FBXO8: variants seen among roughly 807,000 people sequenced by gnomAD.
FBXO8 encodes F-box only protein 8.
In FBXO8, 15 loss-of-function variants were observed where a neutral mutation model predicts 33.4. That is an observed-to-expected ratio of 0.45 (90% CI 0.30 to 0.69). The LOEUF (loss-of-function observed/expected upper bound fraction) is 0.69, where lower values mean the gene tolerates loss of function less well. Among genes scored for constraint, FBXO8 ranks in the 30% least tolerant of loss-of-function variants. The pLI is 0.08. For missense variants in FBXO8, 274 were observed against 380.3 expected, an observed-to-expected ratio of 0.72 and a Z score of 2.32; for synonymous variants, 132 against 131.5, an observed-to-expected ratio of 1.00 and a Z score of -0.02.
At chr4:174,268,584 T>G (rs551279124) in intron 1 of FBXO8, among the ~76,000 whole-genome samples, 1 of 144,492 alleles carries the variant, frequency 6.9e-6, no homozygotes, top group East Asian at 2.1e-4. Flanking sequence ...TACAGGCGCC[T>G]GCTACCACGC....
chr4:174,244,998 T>C (rs1279239847), intron 3 of FBXO8, among the ~76,000 whole-genome samples: 1 of 151,840 alleles, frequency 6.6e-6, no homozygotes, highest in East Asian at 1.9e-4. Flanking sequence ...TTTACATATA[T>C]GCATCTGCTT....
At position 174,275,931 on chromosome 4, in the gene FBXO8, C is replaced by T. The variant is rs1389092042; in HGVS notation, c.-9+7479G>A. On this transcript the variant is annotated intron_variant, in intron 1 of 5. Coordinates refer to ENST00000393674, the MANE Select transcript of FBXO8 (RefSeq NM_012180.3). The surrounding 1 kb of genome is among the most constrained non-coding windows in gnomAD (Gnocchi z 4.4). ...AGTAAGGTACAAATGCAAAAAGGAT[C>T]GATATTTGTGTAACTCTTAGTCTAA... Among the ~76,000 whole-genome samples, 1 of 151,820 alleles carries T rather than the reference C, an allele frequency of 6.6e-6. No individual in the cohort carries two copies. The highest frequency in any genetic ancestry group is 6.6e-5 in the Admixed American group (1 of 15,230).
chr4:174,260,518 T>C (rs1416165798), intron 2 of FBXO8, among the ~76,000 whole-genome samples: 2 of 152,026 alleles, frequency 1.3e-5, no homozygotes, highest in Admixed American at 6.6e-5. Flanking sequence ...ATGTTCAACA[T>C]AGCTGTTTTT....
rs1292204369 is a variant in FBXO8 at position 174,277,018 on chromosome 4, A to G, written c.-9+6392T>C. 6.6e-6 allele frequency among the ~76,000 whole-genome samples: 1 copy of G among 152,156 alleles called. No individual in the cohort carries two copies. The highest frequency in any genetic ancestry group is 1.5e-5 in the Non-Finnish European group (1 of 68,028). On this transcript the variant is annotated intron_variant, in intron 1 of 5. Coordinates refer to ENST00000393674, the MANE Select transcript of FBXO8 (RefSeq NM_012180.3). This position sits in a 1 kb window ranked among gnomAD's most constrained non-coding sequence, Gnocchi z 4.9. ...TCTGAAACAGCTATATTGTTCTGACATAATTTTGGATGTATTTTTTTTAAA... is the reference window on the plus strand; with the variant it reads ...TCTGAAACAGCTATATTGTTCTGACGTAATTTTGGATGTATTTTTTTTAAA...
In FBXO8 at chr4:174,268,637, C is replaced by T. The variant is rs567171971; in HGVS notation, c.-8-5537G>A. On this transcript the variant is annotated intron_variant, in intron 1 of 5. Coordinates refer to ENST00000393674, the MANE Select transcript of FBXO8 (RefSeq NM_012180.3). ...TTTTTTAGTAGAGACGGGGTTTCACCGTGTTAGCCAGGATGGTCTCCATCT... is the reference window on the plus strand; with the variant it reads ...TTTTTTAGTAGAGACGGGGTTTCACTGTGTTAGCCAGGATGGTCTCCATCT... 8.5e-3 allele frequency among the ~76,000 whole-genome samples: 1,295 copies of T among 152,138 alleles called. 7 individuals carry two copies. Among genetic ancestry groups the T allele is most frequent in the South Asian group, 0.016 (75 of 4,812 alleles).
intron 3 of FBXO8, among the ~76,000 whole-genome samples, chr4:174,258,877 T>C (rs1442297730): frequency 6.6e-6 from 1 of 152,044 alleles, no homozygotes; most frequent in African/African-American, 2.4e-5. Flanking sequence ...CTGTCATTAA[T>C]ACCTCGACAA....
intron 1 of FBXO8, among the ~76,000 whole-genome samples, chr4:174,266,063 C>A (rs1736688031): frequency 1.3e-5 from 2 of 152,114 alleles, no homozygotes; most frequent in Admixed American, 1.3e-4. Flanking sequence ...CAGAATCTTT[C>A]TAGTGGCATA....
intron 1 of FBXO8, among the ~76,000 whole-genome samples, chr4:174,280,312 G>A (rs1345400077): frequency 6.6e-6 from 1 of 151,690 alleles, no homozygotes; most frequent in Non-Finnish European, 1.5e-5. Flanking sequence ...CATTAAGATA[G>A]TTACTATCGA....
chr4:174,256,850 C>T lies in FBXO8; in HGVS notation c.456+2849G>A, dbSNP rs138116709. 6.6e-6 allele frequency among the ~76,000 whole-genome samples: 1 copy of T among 151,838 alleles called. No homozygotes were observed. Among genetic ancestry groups the T allele is most frequent in the African/African-American group, 2.4e-5 (1 of 41,420 alleles). On this transcript the variant is annotated intron_variant, in intron 3 of 5. Coordinates refer to ENST00000393674, the MANE Select transcript of FBXO8 (RefSeq NM_012180.3). The surrounding 1 kb of genome is among the most constrained non-coding windows in gnomAD (Gnocchi z 4.6). ...TGCCTCCTGGGAGTACTACATGGCC[C>T]TTTTAGAATGATAAATTCAGTGCCT...
chr4:174,259,088 A>G lies in FBXO8; in HGVS notation c.456+611T>C, dbSNP rs2126433059. On this transcript the variant is annotated intron_variant, in intron 3 of 5. Transcript: ENST00000393674. This position sits in a 1 kb window ranked among gnomAD's most constrained non-coding sequence, Gnocchi z 4.3. ...TTCCATGACATAGTAAAATAAGAAT[A>G]GAGAAAAAAAAAATCAGTGAAAAAG... Among the ~76,000 whole-genome samples, 1 of 152,098 alleles carries G rather than the reference A, an allele frequency of 6.6e-6. No individual in the cohort carries two copies. Among genetic ancestry groups the G allele is most frequent in the African/African-American group, 2.4e-5 (1 of 41,558 alleles).
rs1435652994 is a variant in FBXO8 at position 174,274,489 on chromosome 4, G to T, written c.-9+8921C>A. On this transcript the variant is annotated intron_variant, in intron 1 of 5. Coordinates refer to ENST00000393674, the MANE Select transcript of FBXO8 (RefSeq NM_012180.3). The surrounding 1 kb of genome is among the most constrained non-coding windows in gnomAD (Gnocchi z 4.0). ...TAATTACCTGAGTAGTCATAATCCT[G>T]GTCCTGAATTTCATTAATTTGGGAT... Among the ~76,000 whole-genome samples, 1 of 152,162 alleles carries T rather than the reference G, an allele frequency of 6.6e-6. No homozygotes were observed. The highest frequency in any genetic ancestry group is 2.4e-5 in the African/African-American group (1 of 41,436).
rs1736977134 is a variant in FBXO8 at position 174,277,062 on chromosome 4, C to A, written c.-9+6348G>T. Among the ~76,000 whole-genome samples, 1 of 152,158 alleles carries A rather than the reference C, an allele frequency of 6.6e-6. No homozygotes were observed. ...TTTTAAAGTAGCAGTTTTAGTCTAA[C>A]CAAGTCTGTTACAACAGCATAAAAG... On this transcript the variant is annotated intron_variant, in intron 1 of 5. Coordinates refer to ENST00000393674, the MANE Select transcript of FBXO8 (RefSeq NM_012180.3). This position sits in a 1 kb window ranked among gnomAD's most constrained non-coding sequence, Gnocchi z 4.9.
Position 174,270,507 on chromosome 4 carries a change from A to G in FBXO8, c.-8-7407T>C, listed in dbSNP as rs1736813644. 1.3e-5 allele frequency among the ~76,000 whole-genome samples: 2 copies of G among 152,210 alleles called. No homozygotes were observed. The highest frequency in any genetic ancestry group is 2.1e-4 in the South Asian group (1 of 4,830). On this transcript the variant is annotated intron_variant, in intron 1 of 5. Coordinates refer to ENST00000393674, the MANE Select transcript of FBXO8 (RefSeq NM_012180.3). The surrounding 1 kb of genome is among the most constrained non-coding windows in gnomAD (Gnocchi z 4.6). ...CAGTAAAGTTATATCTAGGATTACT[A>G]AACATATATGGTGTTTTTCTTTCTA...
chr4:174,238,935 C>T, intron 5 of FBXO8, 59 bp downstream of exon 5: 3 of 1,059,754 alleles, frequency 2.8e-6, no homozygotes, highest in Non-Finnish European at 3.9e-6. Context: ...TCTCATATAT[C>T]TCTGTTTTTA....
In FBXO8 at chr4:174,254,394, C is replaced by T. The variant is rs151065082; in HGVS notation, c.456+5305G>A. Among the ~76,000 whole-genome samples, 110 of 152,134 alleles carry T rather than the reference C, an allele frequency of 7.2e-4. No individual in the cohort carries two copies. Among genetic ancestry groups the T allele is most frequent in the African/African-American group, 2.4e-3 (101 of 41,512 alleles). ...AGATGTATAGAACTAAGGATAAAAC[C>T]TCAAAAGGTAGTATATTTTCTAAAG... is the stretch of plus-strand genomic sequence containing the variant. On this transcript the variant is annotated intron_variant, in intron 3 of 5. Transcript: ENST00000393674. The surrounding 1 kb of genome is among the most constrained non-coding windows in gnomAD (Gnocchi z 4.2).
chr4:174,282,681 T>TA lies in FBXO8; in HGVS notation c.-9+728dup, dbSNP rs1212649881. Among the ~76,000 whole-genome samples, 6 of 152,246 alleles carry TA rather than the reference T, an allele frequency of 3.9e-5. No individual in the cohort carries two copies. The East Asian group carries it at 1.2e-3, about 29-fold the overall frequency. On this transcript the variant is annotated intron_variant, in intron 1 of 5. Transcript: ENST00000393674. ...ATAAATTGTCTTCACTTTACCGTAATAAAAATCATGATATATTCATTTGTG... is the reference window on the plus strand; with the variant it reads ...ATAAATTGTCTTCACTTTACCGTAATAAAAAATCATGATATATTCATTTGTG...
intron 3 of FBXO8, among the ~76,000 whole-genome samples, chr4:174,246,688 T>C (rs1414657928): frequency 6.6e-6 from 1 of 151,828 alleles, no homozygotes; most frequent in Non-Finnish European, 1.5e-5. Context: ...GAGATTTTGC[T>C]GCAGGGGCAG....
rs1456955142 is a variant in FBXO8, at chr4:174,275,065, T to C, written c.-9+8345A>G. Among the ~76,000 whole-genome samples the C allele has an allele frequency of 6.6e-6, 1 of 152,156 alleles. No homozygotes were observed. Among genetic ancestry groups the C allele is most frequent in the African/African-American group, 2.4e-5 (1 of 41,438 alleles). On this transcript the variant is annotated intron_variant, in intron 1 of 5. Coordinates refer to ENST00000393674, the MANE Select transcript of FBXO8 (RefSeq NM_012180.3). This position sits in a 1 kb window ranked among gnomAD's most constrained non-coding sequence, Gnocchi z 4.4. ...ACCACATATCTGACGGACGAGTATC[T>C]AGAATATATAAACAACTCTCAAAAC...
rs1002814710 is a variant in FBXO8, at chr4:174,278,100, A to G, written c.-9+5310T>C. 3.9e-5 allele frequency among the ~76,000 whole-genome samples: 6 copies of G among 152,204 alleles called. No homozygotes were observed. In the East Asian group the frequency reaches 1.2e-3, roughly 29 times the overall value. ...GAGAAATTTTTTAAAAAAGAAAAAA[A>G]CCCTGATAACCAATCACATCCCTAA... On this transcript the variant is annotated intron_variant, in intron 1 of 5. Coordinates refer to ENST00000393674, the MANE Select transcript of FBXO8 (RefSeq NM_012180.3). The surrounding 1 kb of genome is among the most constrained non-coding windows in gnomAD (Gnocchi z 4.1).
Sources: allele counts gnomAD v4.1 joint callset (sites outside exome capture counted in the v4.1 genomes callset), GRCh38; gene constraint gnomAD v4.1.1; non-coding constraint Gnocchi (gnomAD v3.1); transcripts MANE v1.5; gene names NCBI Gene and HGNC (gene_info 2026-07-23, HGNC 2026-07-21).